Variants in CARNMT1 observed in about 807,000 individuals in gnomAD.
CARNMT1 encodes the protein carnosine N-methyltransferase 1.
In CARNMT1, 28 loss-of-function variants were observed where a neutral mutation model predicts 49.6. That is an observed-to-expected ratio of 0.56 (90% CI 0.42 to 0.77). The LOEUF is 0.77. CARNMT1 is among the 30% of genes least tolerant of loss of function. The pLI, the probability that CARNMT1 is intolerant of heterozygous loss-of-function variation, is 0.00. For missense variants in CARNMT1, 421 were observed against 512.6 expected, an observed-to-expected ratio of 0.82 and a Z score of 1.73; for synonymous variants, 178 against 175.0, an observed-to-expected ratio of 1.02 and a Z score of -0.13.
intron 3 of CARNMT1, chr9:75,009,723 G>A (rs1171180865): frequency 6.6e-6 from 1 of 151,988 alleles, no homozygotes; most frequent in Non-Finnish European, 1.5e-5. Context: ...TAAGACTAAG[G>A]AGAAATGATT....
At chr9:74,985,956 C>T (rs1298144140) in intron 6 of CARNMT1, among the ~76,000 whole-genome samples, 1 of 152,170 alleles carries the variant, frequency 6.6e-6, no homozygotes, top group Non-Finnish European at 1.5e-5. Flanking sequence ...GCAGGTATTA[C>T]ACTGTTTATA....
At chr9:75,009,548 G>A (rs1257958771) in intron 3 of CARNMT1, among the ~76,000 whole-genome samples, 1 of 152,092 alleles carries the variant, frequency 6.6e-6, no homozygotes, top group Non-Finnish European at 1.5e-5. Context: ...ACTTCAGAAA[G>A]CAGTAATATT....
In CARNMT1 at chr9:74,999,773, A is replaced by G. The variant is rs144200089; in HGVS notation, c.688T>C (p.Trp230Arg). 12 of 1,612,666 alleles carry G rather than the reference A, an allele frequency of 7.4e-6. No individual in the cohort carries two copies. In the African/African-American group the frequency reaches 1.5e-4, roughly 20 times the overall value. Reference sequence around the variant, plus strand: ...GAAGAAAAGAGCATAAAAAAACTCCATTCATTTCCTTGACAAGCATAACCT... The same window carrying G: ...GAAGAAAAGAGCATAAAAAAACTCCGTTCATTTCCTTGACAAGCATAACCT... ...MLGYACQGNE[W>R]SFFMLFSSNF... is the part of the protein sequence containing the mutation. The change falls in exon 4 of 8, where the codon TGG becomes CGG. Residue 230 changes from tryptophan (W) to arginine (R), a missense_variant. By Grantham distance (101) the Trp-to-Arg change is moderately radical (BLOSUM62 -3). Coordinates refer to ENST00000376834, the MANE Select transcript of CARNMT1 (RefSeq NM_152420.3).
chr9:75,025,598 T>C (rs748121351), intron 1 of CARNMT1, among the ~76,000 whole-genome samples: 37 of 152,222 alleles, frequency 2.4e-4, no homozygotes, highest in Non-Finnish European at 4.1e-4. Flanking sequence ...CATGGCATAA[T>C]TTTTTCTTAA....
chr9:74,991,353 G>A (rs1833006236), intron 6 of CARNMT1: 1 of 152,474 alleles, frequency 6.6e-6, no homozygotes, highest in African/African-American at 2.4e-5. Flanking sequence ...ATGTTGGCCA[G>A]GATGGTCTCA....
At chr9:75,022,675 C>T (rs72732934) in intron 1 of CARNMT1, among the ~76,000 whole-genome samples, 38,610 of 152,060 alleles carry the variant, frequency 0.25, 6,307 homozygotes, top group Non-Finnish European at 0.37. Flanking sequence ...TGAACAGCCT[C>T]ACAGAGCTTT....
At chr9:75,023,069 G>A (rs1406378637) in intron 1 of CARNMT1, among the ~76,000 whole-genome samples, 1 of 151,406 alleles carries the variant, frequency 6.6e-6, no homozygotes, top group Non-Finnish European at 1.5e-5. Flanking sequence ...TTGAACCTGG[G>A]AGGCAGAGGT....
chr9:75,007,763 G>C (rs948855628), intron 3 of CARNMT1, among the ~76,000 whole-genome samples: 1 of 124,390 alleles, frequency 8.0e-6, no homozygotes, highest in African/African-American at 2.9e-5. Flanking sequence ...AAAAAACTAA[G>C]AAAATTCTTC....
At position 74,995,951 on chromosome 9, in the gene CARNMT1, A is replaced by T. The variant is rs188883864; in HGVS notation, c.1024+496T>A. 56 of 152,290 alleles carry T rather than the reference A, an allele frequency of 3.7e-4. 3 individuals are homozygous for T. The highest frequency in any genetic ancestry group is 1.3e-3 in the African/African-American group (55 of 41,544). 9.4% of individuals were successfully genotyped at this position (152,290 alleles called of 1,614,324 possible). On this transcript the variant is annotated intron_variant, in intron 6 of 7. Transcript: ENST00000376834. ...TAGTAAGTAGAATGCAGTAAAAAAAAATTTTGCATAAAAAAAATTGTGTTT... is the reference window on the plus strand; with the variant it reads ...TAGTAAGTAGAATGCAGTAAAAAAATATTTTGCATAAAAAAAATTGTGTTT...
rs1832702374 is a variant in CARNMT1 at position 74,981,912 on chromosome 9, T to G, written c.*1855A>C. On this transcript the variant is annotated 3_prime_UTR_variant, in exon 8 of 8. Transcript: ENST00000376834. ...TCTTCTTTTAAAACAATAATTTGAGTTTTTTTTTTCTTCCTTGCCACTAAA... is the reference window on the plus strand; with the variant it reads ...TCTTCTTTTAAAACAATAATTTGAGGTTTTTTTTTCTTCCTTGCCACTAAA... 1 of 135,060 alleles carries G rather than the reference T, an allele frequency of 7.4e-6. No individual in the cohort carries two copies. 8.4% of individuals were successfully genotyped at this position (135,060 alleles called of 1,614,324 possible). A position where few individuals can be genotyped will look rare whatever the true frequency, so the allele number is the denominator to read the frequency against.
intron 1 of CARNMT1, among the ~76,000 whole-genome samples, chr9:75,021,365 A>G (rs1049164126): frequency 6.8e-6 from 1 of 146,640 alleles, no homozygotes; most frequent in African/African-American, 2.5e-5. Flanking sequence ...CATATATATT[A>G]TATACATAGT....
intron 6 of CARNMT1, among the ~76,000 whole-genome samples, chr9:74,989,601 C>G (rs569525373): frequency 2.8e-3 from 424 of 152,204 alleles, no homozygotes; most frequent in African/African-American, 1.0e-2. Flanking sequence ...GAGGGAGGGA[C>G]CTGGTGGGAG....
At chr9:75,005,362 A>G (rs1833470575) in intron 3 of CARNMT1, among the ~76,000 whole-genome samples, 1 of 152,232 alleles carries the variant, frequency 6.6e-6, no homozygotes, top group African/African-American at 2.4e-5. Context: ...AGGCATATTA[A>G]AAACTTGAAA....
chr9:75,018,771 C>T (rs1833922168), intron 1 of CARNMT1, among the ~76,000 whole-genome samples: 1 of 152,030 alleles, frequency 6.6e-6, no homozygotes, highest in South Asian at 2.1e-4. Context: ...AGTTCAAGAC[C>T]AGCCTGGCCA....
At position 74,999,639 on chromosome 9, in the gene CARNMT1, C is replaced by T. The variant is rs945411703; in HGVS notation, c.731+91G>A. The T allele has an allele frequency of 5.6e-5, 64 of 1,143,640 alleles. No homozygotes were observed. The South Asian group carries it at 7.2e-4, about 13-fold the overall frequency. The allele number at this position is 1,143,640 out of a possible 1,614,324, so 70.8% of individuals were successfully genotyped here. On this transcript the variant is annotated intron_variant, in intron 4 of 7. Transcript: ENST00000376834. Reference sequence around the variant, plus strand: ...ATATATAATAATCAAATGCTATGTACTTATCTTCAAATTCAAAATTGTTCA... The same window carrying T: ...ATATATAATAATCAAATGCTATGTATTTATCTTCAAATTCAAAATTGTTCA...
intron 1 of CARNMT1, 37 bp downstream of exon 1, chr9:75,027,975 C>A (rs1822580417): frequency 6.5e-7 from 1 of 1,526,930 alleles, no homozygotes; most frequent in Non-Finnish European, 8.8e-7. Flanking sequence ...GTGGGCGCCC[C>A]GACGGTCTGG....
At chr9:75,024,918 G>A (rs888951724) in intron 1 of CARNMT1, among the ~76,000 whole-genome samples, 1 of 151,930 alleles carries the variant, frequency 6.6e-6, no homozygotes, top group African/African-American at 2.4e-5. Flanking sequence ...ACAACTGACA[G>A]ATATGTTGTA....
intron 3 of CARNMT1, among the ~76,000 whole-genome samples, chr9:75,007,458 G>C (rs546599614): frequency 6.6e-6 from 1 of 152,092 alleles, no homozygotes; most frequent in South Asian, 2.1e-4. Flanking sequence ...GCTGGGCGTG[G>C]TGGCTCACAC....
intron 2 of CARNMT1, chr9:75,016,927 T>A (rs1188625707): frequency 1.1e-5 from 4 of 377,806 alleles, no homozygotes; most frequent in Non-Finnish European, 1.9e-5. Flanking sequence ...TGAAAAAATA[T>A]GAGTTAAGCA....
Sources: allele counts gnomAD v4.1 joint callset (sites outside exome capture counted in the v4.1 genomes callset), GRCh38; gene constraint gnomAD v4.1.1; transcripts MANE v1.5; gene names NCBI Gene and HGNC (gene_info 2026-07-23, HGNC 2026-07-21).